Variants in C10orf90 observed in about 807,000 individuals in gnomAD.
C10orf90 encodes the protein chromosome 10 open reading frame 90.
A neutral mutation model predicts 62.5 loss-of-function variants in C10orf90; 56 were observed. That is an observed-to-expected ratio of 0.90 (90% CI 0.72 to 1.12). The LOEUF is 1.12. Among genes scored for constraint, C10orf90 ranks in the 50% most tolerant of loss-of-function variants. The pLI is 0.00. For synonymous variants in C10orf90, 386 were observed against 340.4 expected (o/e 1.13, Z -1.47); for missense variants, 970 against 880.4 (o/e 1.10, Z -1.29).
At chr10:126,519,805 G>T (rs546852311) in intron 2 of C10orf90, among the ~76,000 whole-genome samples, 1 of 151,844 alleles carries the variant, frequency 6.6e-6, no homozygotes, top group Non-Finnish European at 1.5e-5. Flanking sequence ...CTTTCTTTTG[G>T]GGGTTTCCTC....
At chr10:126,506,919 AGTGT>A (rs61651582) in intron 3 of C10orf90, among the ~76,000 whole-genome samples, 6,936 of 149,386 alleles carry the variant, frequency 0.046, 185 homozygotes, top group Admixed American at 0.089. Context: ...CAGGAGGGCC[AGTGT>A]GTGTGTGTGT....
At chr10:126,619,289 C>T (rs144889901) in intron 2 of C10orf90, among the ~76,000 whole-genome samples, 2 of 152,280 alleles carry the variant, frequency 1.3e-5, no homozygotes, top group East Asian at 1.9e-4. Flanking sequence ...CACATAGGCA[C>T]GTATTCCTGT....
chr10:126,515,667 G>T (rs1478089024), intron 2 of C10orf90, among the ~76,000 whole-genome samples: 1 of 152,174 alleles, frequency 6.6e-6, no homozygotes, highest in Non-Finnish European at 1.5e-5. Flanking sequence ...CCATCCTGAA[G>T]CACTGCTTGA....
At chr10:126,540,900 T>C (rs562493954) in intron 2 of C10orf90, among the ~76,000 whole-genome samples, 1 of 152,342 alleles carries the variant, frequency 6.6e-6, no homozygotes, top group East Asian at 1.9e-4. Flanking sequence ...TATTTGCGTA[T>C]AATATTCGTA....
chr10:126,625,192 C>T (rs971723228), intron 2 of C10orf90, among the ~76,000 whole-genome samples: 1 of 152,188 alleles, frequency 6.6e-6, no homozygotes. Flanking sequence ...CTCAAGCCCA[C>T]GCTGGACCCC....
intron 4 of C10orf90, among the ~76,000 whole-genome samples, chr10:126,496,303 G>A (rs150894868): frequency 2.0e-5 from 3 of 152,268 alleles, no homozygotes; most frequent in Non-Finnish European, 4.4e-5. Flanking sequence ...GAAGCTAGCC[G>A]GGATGGCTGA....
intron 7 of C10orf90, among the ~76,000 whole-genome samples, chr10:126,451,502 A>G (rs1374963637): frequency 6.6e-6 from 1 of 151,940 alleles, no homozygotes; most frequent in Non-Finnish European, 1.5e-5. Context: ...TGTGTGTATT[A>G]TTGTCCTTCA....
At chr10:126,565,133 A>ATTACATATTATGT (rs1471799848) in intron 2 of C10orf90, among the ~76,000 whole-genome samples, 4 of 21,710 alleles carry the variant, frequency 1.8e-4, no homozygotes, top group Non-Finnish European at 2.9e-4. Flanking sequence ...TATATAATAT[A>ATTACATATTATGT]AATATAATAT....
chr10:126,588,078 G>A (rs1423666443), intron 2 of C10orf90, among the ~76,000 whole-genome samples: 1 of 152,218 alleles, frequency 6.6e-6, no homozygotes, highest in Non-Finnish European at 1.5e-5. Flanking sequence ...GACTGCCAGA[G>A]ATGGACCAAG....
chr10:126,446,116 A>G (rs566720081), intron 7 of C10orf90, among the ~76,000 whole-genome samples: 1 of 152,102 alleles, frequency 6.6e-6, no homozygotes, highest in Non-Finnish European at 1.5e-5. Context: ...GTATGTACTC[A>G]TGTAAGCAAA....
chr10:126,514,658 C>T (rs1358800635), intron 2 of C10orf90, among the ~76,000 whole-genome samples: 2 of 152,136 alleles, frequency 1.3e-5, no homozygotes, highest in Non-Finnish European at 2.9e-5. Flanking sequence ...GCCCTGAGTA[C>T]CTCACGGAGT....
intron 7 of C10orf90, among the ~76,000 whole-genome samples, chr10:126,439,453 G>A (rs992066930): frequency 6.6e-6 from 1 of 152,110 alleles, no homozygotes; most frequent in African/African-American, 2.4e-5. Context: ...TGTGATAATT[G>A]TCCAGTAACT....
intron 4 of C10orf90, among the ~76,000 whole-genome samples, chr10:126,503,050 CA>C (rs1379746322): frequency 6.6e-6 from 1 of 152,124 alleles, no homozygotes; most frequent in Non-Finnish European, 1.5e-5. Flanking sequence ...AATTATGATG[CA>C]TATCCTGCAT....
At chr10:126,591,501 T>C (rs1449997858) in intron 2 of C10orf90, among the ~76,000 whole-genome samples, 1 of 152,138 alleles carries the variant, frequency 6.6e-6, no homozygotes, top group Admixed American at 6.6e-5. Context: ...CAACATCCCT[T>C]CATGTTAAAA....
At position 126,621,336 on chromosome 10, in the gene C10orf90, T is replaced by C. The variant is rs140349478; in HGVS notation, c.313+25229A>G. ...CTCCTTTTTGTTCTTTGTACATTGA[T>C]ACAACAAGGTCTTAATATTTTTCTT... On this transcript the variant is annotated intron_variant, in intron 2 of 9. Coordinates refer to ENST00000488181, the MANE Select transcript of C10orf90 (RefSeq NM_001350921.2). Among the ~76,000 whole-genome samples the C allele has an allele frequency of 6.2e-4, 94 of 152,388 alleles. 1 individual carries two copies. The highest frequency in any genetic ancestry group is 3.2e-4 in the Non-Finnish European group (22 of 68,036).
At chr10:126,649,072 C>CTCTCTCT (rs1445649784) in intron 1 of C10orf90, among the ~76,000 whole-genome samples, 7 of 49,882 alleles carry the variant, frequency 1.4e-4, no homozygotes, top group East Asian at 5.7e-4. Flanking sequence ...CTCTCTCTCT[C>CTCTCTCT]CCCCCCCCCC....
At chr10:126,610,892 C>A (rs1289602831) in intron 2 of C10orf90, among the ~76,000 whole-genome samples, 1 of 152,152 alleles carries the variant, frequency 6.6e-6, no homozygotes, top group Non-Finnish European at 1.5e-5. Context: ...GACACAACTT[C>A]TTGTAACTGG....
intron 2 of C10orf90, among the ~76,000 whole-genome samples, chr10:126,600,271 G>A (rs1289550049): frequency 6.6e-6 from 1 of 152,222 alleles, no homozygotes; most frequent in African/African-American, 2.4e-5. Context: ...GTTGGCATGC[G>A]GAGTGCAGAC....
At chr10:126,436,883 T>C (rs1398883705) in intron 7 of C10orf90, among the ~76,000 whole-genome samples, 2 of 152,216 alleles carry the variant, frequency 1.3e-5, no homozygotes, top group East Asian at 3.9e-4. Flanking sequence ...AAGATGGTCT[T>C]AAATTCCTGG....
Sources: allele counts gnomAD v4.1 joint callset (sites outside exome capture counted in the v4.1 genomes callset), GRCh38; gene constraint gnomAD v4.1.1; transcripts MANE v1.5; gene names NCBI Gene and HGNC (gene_info 2026-07-23, HGNC 2026-07-21).